ECPAS: variants seen among roughly 807,000 people sequenced by gnomAD.
ECPAS encodes the protein proteasome adapter and scaffold protein ECM29.
Under a neutral mutation model 255.1 loss-of-function variants are expected in ECPAS, and 70 were observed. The observed-to-expected ratio is 0.27, with a 90% CI of 0.23 to 0.33. The LOEUF is 0.33. Among genes scored for constraint, ECPAS ranks in the 10% least tolerant of loss-of-function variants. ECPAS has a pLI of 1.00. For missense variants in ECPAS, 1,817 were observed against 2,206.4 expected (o/e 0.82, Z 3.54); for synonymous variants, 784 against 775.0 (o/e 1.01, Z -0.19).
intron 2 of ECPAS, among the ~76,000 whole-genome samples, chr9:111,453,690 G>A (rs978261021): frequency 1.3e-5 from 2 of 152,132 alleles, no homozygotes; most frequent in African/African-American, 4.8e-5. Context: ...GAAATGATGT[G>A]ACAAGAAAGG....
chr9:111,372,757 T>G (rs2098128957), intron 41 of ECPAS, 137 bp from the exon 42 acceptor site: 1 of 741,454 alleles, frequency 1.3e-6, no homozygotes, highest in Non-Finnish European at 2.1e-6. Context: ...CAGGCTGGGT[T>G]GTGGTGGCTT....
In ECPAS at chr9:111,409,341, C is replaced by T. The variant is rs568129262; in HGVS notation, c.2551-669G>A. Among the ~76,000 whole-genome samples the T allele has an allele frequency of 4.6e-5, 7 of 152,212 alleles. No individual in the cohort carries two copies. The South Asian group carries it at 1.5e-3, about 32-fold the overall frequency. ...TCGGAAGCCGAGGCAGGCAGGATTG[C>T]CTGAGGTCAGGAGTTCGAGACCAGC... On this transcript the variant is annotated intron_variant, in intron 23 of 49. Coordinates refer to ENST00000684092, the MANE Select transcript of ECPAS (RefSeq NM_001364929.1).
intron 2 of ECPAS, among the ~76,000 whole-genome samples, chr9:111,468,073 C>T (rs1564566235): frequency 6.6e-6 from 1 of 152,064 alleles, no homozygotes; most frequent in African/African-American, 2.4e-5. Context: ...CTGCTTGAAC[C>T]CAGGAGGCAG....
At chr9:111,433,585 A>T (rs1482525838) in intron 7 of ECPAS, among the ~76,000 whole-genome samples, 2 of 152,228 alleles carry the variant, frequency 1.3e-5, no homozygotes, top group African/African-American at 4.8e-5. Context: ...ATCAATCATT[A>T]TACCCATTTT....
chr9:111,474,505 C>T (rs531530492), intron 1 of ECPAS, among the ~76,000 whole-genome samples: 2 of 152,292 alleles, frequency 1.3e-5, no homozygotes, highest in South Asian at 4.1e-4. Flanking sequence ...AGTCTTGCTG[C>T]TCTTGATCTC....
At chr9:111,470,663 A>G (rs2098286424) in intron 2 of ECPAS, among the ~76,000 whole-genome samples, 1 of 151,584 alleles carries the variant, frequency 6.6e-6, no homozygotes, top group Non-Finnish European at 1.5e-5. Context: ...AGCATAGCCC[A>G]AAACAAGGCT....
intron 3 of ECPAS, among the ~76,000 whole-genome samples, chr9:111,447,109 T>TA (rs202186025): frequency 0.022 from 3,286 of 152,146 alleles, 61 homozygotes; most frequent in Middle Eastern, 0.071. Context: ...TGCTTTTTTT[T>TA]AATAATAAAT....
intron 28 of ECPAS, 136 bp downstream of exon 28, chr9:111,392,632 A>G: frequency 1.6e-6 from 1 of 614,652 alleles, no homozygotes; most frequent in South Asian, 2.1e-5. Flanking sequence ...CAGCACAACA[A>G]TTATGGACTC....
intron 17 of ECPAS, among the ~76,000 whole-genome samples, chr9:111,417,057 T>C (rs1399249372): frequency 3.3e-5 from 5 of 151,960 alleles, no homozygotes; most frequent in Non-Finnish European, 5.9e-5. Context: ...GTGGGCAATA[T>C]AGCAAAACTC....
At chr9:111,374,163 CT>C in intron 38 of ECPAS, 125 bp from the exon 39 acceptor site, 2 of 626,940 alleles carry the variant, frequency 3.2e-6, no homozygotes, top group Non-Finnish European at 5.6e-6. Flanking sequence ...CCCTCCAGGA[CT>C]CAATATAGAA....
At position 111,394,339 on chromosome 9, in the gene ECPAS, A is replaced by G. The variant is rs778108269; in HGVS notation, c.2777-34T>C. On this transcript the variant is annotated intron_variant, in intron 25 of 49. Transcript: ENST00000684092. Reference sequence around the variant, plus strand: ...AAGCAAAGAAAAATAACAAAGAATTAAAATAACTCAACATAGTTTCCTGAA... The same window carrying G: ...AAGCAAAGAAAAATAACAAAGAATTGAAATAACTCAACATAGTTTCCTGAA... 5.4e-6 allele frequency: 8 copies of G among 1,479,978 alleles called. No individual in the cohort carries two copies. In the Admixed American group the frequency reaches 1.9e-4, roughly 36 times the overall value. The allele number at this position is 1,479,978 out of a possible 1,614,324, so 91.7% of individuals were successfully genotyped here.
chr9:111,473,344 G>A (rs1009498938), intron 1 of ECPAS, among the ~76,000 whole-genome samples: 1 of 152,118 alleles, frequency 6.6e-6, no homozygotes, highest in Admixed American at 6.5e-5. Flanking sequence ...AATTAGAAGT[G>A]TTTCAATTAC....
intron 12 of ECPAS, among the ~76,000 whole-genome samples, chr9:111,424,951 C>T (rs1471539322): frequency 6.6e-6 from 1 of 152,178 alleles, no homozygotes; most frequent in Admixed American, 6.6e-5. Flanking sequence ...AGGCGGATCA[C>T]CTGAGGTCAG....
At chr9:111,465,177 C>A (rs2098277953) in intron 2 of ECPAS, among the ~76,000 whole-genome samples, 1 of 151,844 alleles carries the variant, frequency 6.6e-6, no homozygotes, top group South Asian at 2.1e-4. Flanking sequence ...AAATACAAGA[C>A]CTGAAGCTGA....
intron 31 of ECPAS, among the ~76,000 whole-genome samples, chr9:111,389,265 C>T (rs2098155480): frequency 6.6e-6 from 1 of 152,248 alleles, no homozygotes; most frequent in South Asian, 2.1e-4. Context: ...ATTCCATCAA[C>T]AGTCCCTATC....
intron 2 of ECPAS, among the ~76,000 whole-genome samples, chr9:111,468,487 C>A (rs1190463691): frequency 6.6e-6 from 1 of 152,066 alleles, no homozygotes; most frequent in Non-Finnish European, 1.5e-5. Flanking sequence ...AGAGATGCAG[C>A]AGTTACTGCC....
In ECPAS at chr9:111,362,039, A is replaced by AT. The variant is rs758673672; in HGVS notation, c.5510dup (p.Asn1837LysfsTer6). The AT allele has an allele frequency of 8.7e-6, 14 of 1,611,994 alleles. No individual in the cohort carries two copies. Among genetic ancestry groups the AT allele is most frequent in the Non-Finnish European group, 1.2e-5 (14 of 1,178,968 alleles). On this transcript the variant is annotated frameshift_variant, in exon 50 of 50. Transcript: ENST00000684092. LOFTEE classifies it high-confidence loss of function. Reference sequence around the variant, plus strand: ...TTCTTCCCCTTCTAATTTATTCCAGATTTTCAAGTGTTTTCTTCAGTAACG... The same window carrying AT: ...TTCTTCCCCTTCTAATTTATTCCAGATTTTTCAAGTGTTTTCTTCAGTAACG...
Position 111,380,252 on chromosome 9 carries a change from T to A in ECPAS, c.3804-1522A>T, listed in dbSNP as rs568334201. On this transcript the variant is annotated intron_variant, in intron 35 of 49. Coordinates refer to ENST00000684092, the MANE Select transcript of ECPAS (RefSeq NM_001364929.1). Reference sequence around the variant, plus strand: ...CCTTGTACCTCTCTATCAGAGCTTTTGGGTGACCAGGCACACTGTCAATGA... The same window carrying A: ...CCTTGTACCTCTCTATCAGAGCTTTAGGGTGACCAGGCACACTGTCAATGA... Among the ~76,000 whole-genome samples the A allele has an allele frequency of 2.6e-5, 4 of 152,386 alleles. No homozygotes were observed. In the East Asian group the frequency reaches 7.7e-4, roughly 29 times the overall value.
chr9:111,479,041 A>G (rs538695201), intron 1 of ECPAS, among the ~76,000 whole-genome samples: 15 of 152,332 alleles, frequency 9.8e-5, no homozygotes, highest in African/African-American at 3.1e-4. Flanking sequence ...CTGTGAGTGC[A>G]TACTAGAGAC....
Sources: allele counts gnomAD v4.1 joint callset (sites outside exome capture counted in the v4.1 genomes callset), GRCh38; gene constraint gnomAD v4.1.1; transcripts MANE v1.5; gene names NCBI Gene and HGNC (gene_info 2026-07-23, HGNC 2026-07-21).